The following ATAD5 variants were observed in gnomAD, a reference collection of about 807,000 sequenced individuals.
The protein encoded by ATAD5 is ATPase family AAA domain containing 5, also known as ATPase family AAA domain-containing protein 5.
In ATAD5, 58 loss-of-function variants were observed where a neutral mutation model predicts 176.9. The observed-to-expected ratio is 0.33, with a 90% CI of 0.27 to 0.41. ATAD5 has a LOEUF of 0.41. Among genes scored for constraint, ATAD5 ranks in the 10% least tolerant of loss-of-function variants. The probability of loss-of-function intolerance (pLI) is 1.00; values close to 1 mark genes in which losing one functional copy is unlikely to be tolerated. For missense variants in ATAD5, 1,789 were observed against 2,094.1 expected, an observed-to-expected ratio of 0.85 and a Z score of 2.84; for synonymous variants, 640 against 712.6, an observed-to-expected ratio of 0.90 and a Z score of 1.62.
chr17:30,861,668 C>T (rs769405651), intron 10 of ATAD5, among the ~76,000 whole-genome samples: 16 of 152,000 alleles, frequency 1.1e-4, no homozygotes, highest in African/African-American at 2.9e-4. Flanking sequence ...CACGCCACCA[C>T]GCCCAGCTAA....
intron 10 of ATAD5, among the ~76,000 whole-genome samples, chr17:30,863,742 G>C (rs528571406): frequency 4.4e-4 from 62 of 141,966 alleles, no homozygotes; most frequent in African/African-American, 1.3e-3. Context: ...TCGGCTCACT[G>C]CAACCTCCAC....
chr17:30,876,702 CTTTTTTTTTTTTTTTTTT>C (rs202065630), intron 15 of ATAD5, 152 bp downstream of exon 15: 29,038 of 128,116 alleles, frequency 0.23, 3,190 homozygotes, highest in South Asian at 0.43. Flanking sequence ...ATTTTGTTTC[CTTTTTTTTTTTTTTTTTT>C]TTTTTTTTTT....
In ATAD5 at chr17:30,893,554, G is replaced by T. The variant is rs755884980; in HGVS notation, c.4701G>T (p.Lys1567Asn). 1 of 1,612,364 alleles carries T rather than the reference G, an allele frequency of 6.2e-7. No homozygotes were observed. Among genetic ancestry groups the T allele is most frequent in the East Asian group, 2.2e-5 (1 of 44,862 alleles). Residue 1567 changes from lysine (K) to asparagine (N), a missense_variant, in exon 21 of 23, where the codon AAG becomes AAT. By Grantham distance (94) the Lys-to-Asn change is moderately conservative. This residue lies in a region of ATAD5 where 403 missense variants were observed against 495.1 expected (regional missense o/e 0.81). Coordinates refer to ENST00000321990, the MANE Select transcript of ATAD5 (RefSeq NM_024857.5). ...AAAAGTCCCAGAAAAAGAAACAAAAGAAAACATTGGTAATATTAGATGATA... is the reference window on the plus strand; with the variant it reads ...AAAAGTCCCAGAAAAAGAAACAAAATAAAACATTGGTAATATTAGATGATA... ...PLKKSQKKKQ[K>N]KTLVILDDSD...
At chr17:30,847,957 T>G (rs1422108382) in intron 6 of ATAD5, among the ~76,000 whole-genome samples, 2 of 152,012 alleles carry the variant, frequency 1.3e-5, no homozygotes, top group Admixed American at 6.6e-5. Flanking sequence ...CCTGACCTCA[T>G]GATCCACCCA....
chr17:30,848,016 C>T (rs1012565148), intron 6 of ATAD5, among the ~76,000 whole-genome samples: 2 of 152,024 alleles, frequency 1.3e-5, no homozygotes. Context: ...CACCGCGCTC[C>T]GCCTGACTGC....
intron 15 of ATAD5, among the ~76,000 whole-genome samples, chr17:30,877,074 G>C (rs1201484590): frequency 6.6e-6 from 1 of 151,270 alleles, no homozygotes; most frequent in Non-Finnish European, 1.5e-5. Flanking sequence ...CTGGAATGCA[G>C]TGGCGCAATC....
rs60132460 is a variant in ATAD5, at chr17:30,850,831, TTTTATATATATATATATATA to T, written c.2451-4310_2451-4291del. Among the ~76,000 whole-genome samples, 251 of 62,590 alleles carry T rather than the reference TTTTATATATATATATATATA, an allele frequency of 4.0e-3. 2 individuals are homozygous for T. Among genetic ancestry groups the T allele is most frequent in the East Asian group, 0.011 (20 of 1,766 alleles). 41.1% of individuals were successfully genotyped at this position (62,590 alleles called of 152,430 possible). ...GAAATTATTATTTATATTTATATAT[TTTTATATATATATATATATA>T]TATATATATATATATATATTTTTTT... is the stretch of plus-strand genomic sequence containing the variant. On this transcript the variant is annotated intron_variant, in intron 6 of 22. Coordinates refer to ENST00000321990, the MANE Select transcript of ATAD5 (RefSeq NM_024857.5).
In ATAD5 at chr17:30,834,371, A is replaced by G; in HGVS notation, c.290A>G (p.Asp97Gly). ...PESVPVDSNK[D>G]CTTPLEMFSN... ...TCAGTACCTGTTGACAGCAACAAAG[A>G]CTGTACGACACCTTTGGAAATGTTC... The change falls in exon 2 of 23, where the codon GAC becomes GGC. Residue 97 changes from aspartate (D) to glycine (G), a missense_variant. By Grantham distance (94) the Asp-to-Gly change is moderately conservative. Around this residue, in one of 6 missense-constraint regions of ATAD5, gnomAD observed 696 missense variants for 712.5 expected, o/e 0.98. Coordinates refer to ENST00000321990, the MANE Select transcript of ATAD5 (RefSeq NM_024857.5). 1 of 1,606,294 alleles carries G rather than the reference A, an allele frequency of 6.2e-7. No homozygotes were observed. Among genetic ancestry groups the G allele is most frequent in the Non-Finnish European group, 8.5e-7 (1 of 1,177,460 alleles).
intron 17 of ATAD5, among the ~76,000 whole-genome samples, chr17:30,878,716 GTGTT>G (rs1269932877): frequency 1.3e-4 from 11 of 82,656 alleles, no homozygotes; most frequent in African/African-American, 2.0e-4. Context: ...AAGTTAGGTG[GTGTT>G]TTTTTTTTTT....
chr17:30,837,458 T>A (rs527832958), intron 3 of ATAD5, 144 bp downstream of exon 3: 5 of 592,390 alleles, frequency 8.4e-6, no homozygotes, highest in Non-Finnish European at 1.2e-5. Flanking sequence ...CCCTATGATA[T>A]TTTTCACTAT....
At position 30,845,103 on chromosome 17, in the gene ATAD5, G is replaced by C. The variant is rs796273719; in HGVS notation, c.2450+187G>C. On this transcript the variant is annotated intron_variant, in intron 6 of 22. Coordinates refer to ENST00000321990, the MANE Select transcript of ATAD5 (RefSeq NM_024857.5). ...ATCTTGGTTTTTTGCAAGTGCTTTGGCCATCGCTAGACAAAACAGAAAAAT... is the reference window on the plus strand; with the variant it reads ...ATCTTGGTTTTTTGCAAGTGCTTTGCCCATCGCTAGACAAAACAGAAAAAT... Among the ~76,000 whole-genome samples, 84 of 152,176 alleles carry C rather than the reference G, an allele frequency of 5.5e-4. 1 individual carries two copies. The highest frequency in any genetic ancestry group is 2.0e-3 in the African/African-American group (82 of 41,506).
intron 15 of ATAD5, among the ~76,000 whole-genome samples, 161 bp downstream of exon 15, chr17:30,876,711 T>G (rs1300574422): frequency 9.2e-6 from 1 of 108,336 alleles, no homozygotes; most frequent in African/African-American, 3.3e-5. Flanking sequence ...CCTTTTTTTT[T>G]TTTTTTTTTT....
chr17:30,875,104 GA>G (rs1387819712), intron 14 of ATAD5, among the ~76,000 whole-genome samples: 1 of 151,860 alleles, frequency 6.6e-6, no homozygotes, highest in Admixed American at 6.6e-5. Context: ...ATAGAGGGTA[GA>G]AAAAAAGAAT....
Position 30,836,295 on chromosome 17 carries a change from T to C in ATAD5, c.1967+247T>C, listed in dbSNP as rs542200425. ...CCAGGTTCAAGCAATTCTCCTGCCT[T>C]AGCCTCCCAAGTAGCTGGGACTACA... On this transcript the variant is annotated intron_variant, in intron 2 of 22. Coordinates refer to ENST00000321990, the MANE Select transcript of ATAD5 (RefSeq NM_024857.5). 2.6e-3 allele frequency among the ~76,000 whole-genome samples: 400 copies of C among 151,754 alleles called. 3 individuals carry two copies. Among genetic ancestry groups the C allele is most frequent in the African/African-American group, 8.8e-3 (364 of 41,408 alleles).
intron 6 of ATAD5, among the ~76,000 whole-genome samples, chr17:30,845,797 G>T (rs1436184517): frequency 1.3e-5 from 2 of 152,158 alleles, no homozygotes; most frequent in Non-Finnish European, 2.9e-5. Context: ...TGGAGGTAAG[G>T]ACTAGGTTGT....
intron 17 of ATAD5, among the ~76,000 whole-genome samples, chr17:30,878,913 G>A (rs555455996): frequency 1.1e-3 from 163 of 151,928 alleles, no homozygotes; most frequent in Non-Finnish European, 1.3e-3. Flanking sequence ...TGTATTTTTA[G>A]TAGAGACAGG....
intron 9 of ATAD5, among the ~76,000 whole-genome samples, chr17:30,860,155 C>G (rs1183583242): frequency 6.6e-6 from 1 of 152,162 alleles, no homozygotes; most frequent in Non-Finnish European, 1.5e-5. Flanking sequence ...TCCCAAGTAG[C>G]TGGGACTACA....
chr17:30,834,580 G>T lies in ATAD5; in HGVS notation c.499G>T (p.Val167Leu). ...SVLRYKKQVE[V>L]LAENIQDTKS... is the part of the protein sequence containing the mutation. ...TTTACGTTACAAGAAACAAGTAGAG[G>T]TACTTGCAGAAAACATTCAAGATAC... Residue 167 changes from valine to leucine, a missense_variant, in exon 2 of 23, where the codon GTA becomes TTA. By Grantham distance (32) the Val-to-Leu change is conservative. Coordinates refer to ENST00000321990, the MANE Select transcript of ATAD5 (RefSeq NM_024857.5). 1 of 1,609,236 alleles carries T rather than the reference G, an allele frequency of 6.2e-7. No individual in the cohort carries two copies. Among genetic ancestry groups the T allele is most frequent in the Non-Finnish European group, 8.5e-7 (1 of 1,178,908 alleles).
intron 18 of ATAD5, among the ~76,000 whole-genome samples, chr17:30,881,843 G>A (rs1488294154): frequency 2.0e-5 from 3 of 152,132 alleles, no homozygotes; most frequent in Admixed American, 2.0e-4. Flanking sequence ...GAGTATGGGA[G>A]GCAGAGGTTG....
Sources: allele counts gnomAD v4.1 joint callset (sites outside exome capture counted in the v4.1 genomes callset), GRCh38; gene constraint gnomAD v4.1.1; regional missense constraint gnomAD v4.1.1; transcripts MANE v1.5; gene names NCBI Gene and HGNC (gene_info 2026-07-23, HGNC 2026-07-21).